Variants in NYAP2 observed in about 807,000 individuals in gnomAD.
NYAP2 encodes neuronal tyrosine-phosphorylated phosphoinositide-3-kinase adaptor 2, also known as neuronal tyrosine-phosphorylated phosphoinositide-3-kinase adapter 2.
Under a neutral mutation model 50.4 loss-of-function variants are expected in NYAP2, and 23 were observed. The ratio of observed to expected loss-of-function variants is 0.46; its 90% CI spans 0.33 to 0.65. The LOEUF (loss-of-function observed/expected upper bound fraction) is 0.65. Ranked by LOEUF, NYAP2 falls within the 30% of genes least tolerant of loss-of-function variation. The probability of loss-of-function intolerance (pLI) is 0.02; values close to 1 mark genes in which losing one functional copy is unlikely to be tolerated. For missense variants in NYAP2, 885 were observed against 861.0 expected, an observed-to-expected ratio of 1.03 and a Z score of -0.35; for synonymous variants, 394 against 365.2, an observed-to-expected ratio of 1.08 and a Z score of -0.90.
intron 3 of NYAP2, among the ~76,000 whole-genome samples, chr2:225,473,942 G>T (rs1690057092): frequency 1.3e-5 from 2 of 152,090 alleles, no homozygotes; most frequent in African/African-American, 4.8e-5. Flanking sequence ...TATGGTTTTA[G>T]GTCTAACATT....
chr2:225,633,538 C>T (rs896186848), intron 6 of NYAP2, among the ~76,000 whole-genome samples: 1 of 152,186 alleles, frequency 6.6e-6, no homozygotes, highest in African/African-American at 2.4e-5. Flanking sequence ...ATGTTTTTCC[C>T]ACTTTTCTTG....
intron 3 of NYAP2, among the ~76,000 whole-genome samples, chr2:225,433,611 G>A (rs1309507511): frequency 1.3e-5 from 2 of 151,756 alleles, no homozygotes; most frequent in Non-Finnish European, 2.9e-5. Flanking sequence ...CCAAAACTAA[G>A]TGATTTAATG....
chr2:225,452,179 T>G (rs1356975407), intron 3 of NYAP2, among the ~76,000 whole-genome samples: 1 of 152,202 alleles, frequency 6.6e-6, no homozygotes, highest in Non-Finnish European at 1.5e-5. Flanking sequence ...CAAATGCTAT[T>G]TCTGCCACTC....
chr2:225,646,941 T>C (rs1559239607), intron 6 of NYAP2, among the ~76,000 whole-genome samples: 1 of 152,138 alleles, frequency 6.6e-6, no homozygotes, highest in African/African-American at 2.4e-5. Context: ...TGAGGTGTAG[T>C]CTGTGCATTG....
intron 3 of NYAP2, among the ~76,000 whole-genome samples, chr2:225,455,862 T>C (rs1215171581): frequency 1.3e-5 from 2 of 152,232 alleles, no homozygotes; most frequent in Non-Finnish European, 2.9e-5. Flanking sequence ...TTTATGATTA[T>C]TGACAAGCTC....
intron 3 of NYAP2, among the ~76,000 whole-genome samples, chr2:225,492,592 A>G (rs1167950170): frequency 6.6e-6 from 1 of 152,202 alleles, no homozygotes; most frequent in Non-Finnish European, 1.5e-5. Flanking sequence ...AAGTTGGGTA[A>G]TTTATAAAGA....
At chr2:225,513,542 C>T in exon 4 of NYAP2, 2 of 1,611,902 alleles carry the variant, frequency 1.2e-6, no homozygotes, top group Non-Finnish European at 1.7e-6. Flanking sequence ...ACGATGACAG[C>T]AGCTGTGGCT....
intron 3 of NYAP2, among the ~76,000 whole-genome samples, chr2:225,510,084 G>A (rs554555402): frequency 6.6e-6 from 1 of 152,264 alleles, no homozygotes; most frequent in East Asian, 1.9e-4. Context: ...TCCCAATGGG[G>A]CTACATCCTG....
chr2:225,582,127 A>G lies in NYAP2; in HGVS notation c.710A>G (p.Asp237Gly), dbSNP rs1377679283. The stretch of plus-strand genomic sequence containing the variant: ...TCCCAGATGGGCAGCCCCGCGGGAG[A>G]CCCCGAGGAAGAGGAGCCCGTGTAC... The change falls in exon 5 of 7, where the codon GAC (aspartate) becomes GGC (glycine). Residue 237 changes from aspartate (D) to glycine (G), a missense_variant. Transcript: ENST00000636099. This position sits in a 1 kb window ranked among gnomAD's most constrained non-coding sequence, Gnocchi z 7.0. 1 of 1,613,826 alleles carries G rather than the reference A, an allele frequency of 6.2e-7. No homozygotes were observed. The highest frequency in any genetic ancestry group is 1.7e-5 in the Admixed American group (1 of 60,018).
chr2:225,500,910 G>A (rs1056154414), intron 3 of NYAP2, among the ~76,000 whole-genome samples: 1 of 152,138 alleles, frequency 6.6e-6, no homozygotes, highest in Non-Finnish European at 1.5e-5. Flanking sequence ...TAGAGATTTT[G>A]CAAAATGGGG....
chr2:225,412,237 G>A lies in NYAP2; in HGVS notation c.221+3136G>A, dbSNP rs532798993. ...CTCCCAAAGTGCTGGGATTACAGGC[G>A]TGAGCCACTGCGCCCGGCTTTTTTT... is the stretch of plus-strand genomic sequence containing the variant. On this transcript the variant is annotated intron_variant, in intron 3 of 6. Transcript: ENST00000636099. 2.5e-3 allele frequency among the ~76,000 whole-genome samples: 336 copies of A among 133,072 alleles called. 2 individuals carry two copies. The highest frequency in any genetic ancestry group is 8.6e-3 in the African/African-American group (311 of 36,276). The allele number at this position is 133,072 out of a possible 152,430, so 87.3% of individuals were successfully genotyped here. A position where few individuals can be genotyped will look rare whatever the true frequency, so the allele number is the denominator to read the frequency against.
chr2:225,441,615 G>T (rs560144197), intron 3 of NYAP2, among the ~76,000 whole-genome samples: 1 of 152,150 alleles, frequency 6.6e-6, no homozygotes, highest in Non-Finnish European at 1.5e-5. Context: ...TTCAAAAGGC[G>T]GCAGGAGAGA....
chr2:225,675,131 A>T, the NYAP2 span, among the ~76,000 whole-genome samples: 1 of 152,126 alleles, frequency 6.6e-6, no homozygotes, highest in Non-Finnish European at 1.5e-5. Context: ...ATTTCCATCG[A>T]ACTTTTTAAA....
chr2:225,689,077 T>C, the NYAP2 span, among the ~76,000 whole-genome samples: 6 of 152,162 alleles, frequency 3.9e-5, no homozygotes, highest in Non-Finnish European at 1.5e-5. Flanking sequence ...ATACATATTT[T>C]AAAAGGGATG....
intron 4 of NYAP2, 115 bp from the exon 5 acceptor site, chr2:225,581,826 A>G: frequency 2.0e-6 from 2 of 976,144 alleles, no homozygotes; most frequent in Non-Finnish European, 3.1e-6. Flanking sequence ...CAAACTAAGA[A>G]TGAAGCTGTC....
At chr2:225,584,166 G>T (rs752325496) in intron 5 of NYAP2, among the ~76,000 whole-genome samples, 1 of 152,200 alleles carries the variant, frequency 6.6e-6, no homozygotes, top group South Asian at 2.1e-4. Context: ...GATTCTGTCT[G>T]TATACTTCAT....
chr2:225,482,500 T>C (rs908228482), intron 3 of NYAP2, among the ~76,000 whole-genome samples: 2 of 152,146 alleles, frequency 1.3e-5, no homozygotes, highest in African/African-American at 4.8e-5. Context: ...TTTAAAGGAA[T>C]ACTAAAAGGA....
chr2:225,599,833 C>T (rs1692665708), intron 5 of NYAP2, among the ~76,000 whole-genome samples: 1 of 152,176 alleles, frequency 6.6e-6, no homozygotes, highest in Non-Finnish European at 1.5e-5. Context: ...AACCCTGCAA[C>T]TCAAATCAAT....
At chr2:225,677,242 C>T in the NYAP2 span, among the ~76,000 whole-genome samples, 2 of 151,342 alleles carry the variant, frequency 1.3e-5, no homozygotes, top group African/African-American at 4.9e-5. Context: ...AAATGCTACT[C>T]GTTTTTGCAC....
Sources: allele counts gnomAD v4.1 joint callset (sites outside exome capture counted in the v4.1 genomes callset), GRCh38; gene constraint gnomAD v4.1.1; non-coding constraint Gnocchi (gnomAD v3.1); transcripts MANE v1.5; gene names NCBI Gene and HGNC (gene_info 2026-07-23, HGNC 2026-07-21).